The following WDR48 variants were observed in gnomAD, a reference collection of about 807,000 sequenced individuals.
WDR48 encodes WD repeat domain 48.
In WDR48, 22 loss-of-function variants were observed where a neutral mutation model predicts 94.0. That is an observed-to-expected ratio of 0.23 (90% CI 0.17 to 0.33). The LOEUF (loss-of-function observed/expected upper bound fraction) is 0.33. WDR48 is among the 10% of genes least tolerant of loss of function. The pLI, the probability that WDR48 is intolerant of heterozygous loss-of-function variation, is 1.00. For missense variants in WDR48, 541 were observed against 813.8 expected, an observed-to-expected ratio of 0.66 and a Z score of 4.08; for synonymous variants, 278 against 280.5, an observed-to-expected ratio of 0.99 and a Z score of 0.09.
At chr3:39,056,015 T>C (rs71323695) in intron 1 of WDR48, among the ~76,000 whole-genome samples, 15,777 of 152,260 alleles carry the variant, frequency 0.1, 877 homozygotes, top group Admixed American at 0.14. Context: ...CATTTTCCTC[T>C]ATTTTTCTAT....
chr3:39,070,305 T>C (rs1201063462), intron 7 of WDR48, among the ~76,000 whole-genome samples: 1 of 152,174 alleles, frequency 6.6e-6, no homozygotes, highest in Non-Finnish European at 1.5e-5. Flanking sequence ...ATGTAGATAA[T>C]AAAAAACAAA....
At chr3:39,067,277 T>A (rs998014397) in intron 5 of WDR48, among the ~76,000 whole-genome samples, 10 of 152,240 alleles carry the variant, frequency 6.6e-5, no homozygotes, top group Admixed American at 5.9e-4. Flanking sequence ...TTCTGACTTT[T>A]TAAAGTGTTA....
intron 11 of WDR48, among the ~76,000 whole-genome samples, chr3:39,082,318 G>C (rs1360949687): frequency 2.0e-5 from 3 of 149,958 alleles, no homozygotes; most frequent in Non-Finnish European, 4.4e-5. Flanking sequence ...GTCTCATTCT[G>C]TTGCCCCGGC....
At chr3:39,068,897 T>A (rs371713570) in intron 6 of WDR48, 38 bp downstream of exon 6, 10 of 1,330,018 alleles carry the variant, frequency 7.5e-6, no homozygotes, top group African/African-American at 4.5e-5. Context: ...AAAAAAAAAA[T>A]TATTTTTCAC....
chr3:39,072,295 G>C (rs1048455666), intron 7 of WDR48, among the ~76,000 whole-genome samples: 5 of 152,124 alleles, frequency 3.3e-5, no homozygotes, highest in Non-Finnish European at 7.3e-5. Flanking sequence ...CTTTTACTTA[G>C]GCAATTCATT....
At chr3:39,091,738 C>T (rs371900102) in intron 17 of WDR48, 37 bp downstream of exon 17, 15 of 1,484,252 alleles carry the variant, frequency 1.0e-5, no homozygotes, top group African/African-American at 1.4e-5. Context: ...TAATTAACTA[C>T]TAGAGAGAAT....
rs148252717 is a variant in WDR48 at position 39,070,352 on chromosome 3, C to A, written c.672+608C>A. 3.6e-3 allele frequency among the ~76,000 whole-genome samples: 546 copies of A among 152,244 alleles called. 9 individuals are homozygous for A. Among genetic ancestry groups the A allele is most frequent in the African/African-American group, 0.013 (523 of 41,528 alleles). ...ATTTTATGGGTATGACATATGTCTA[C>A]CATGTACCCTTGACTCAGCCATTTT... On this transcript the variant is annotated intron_variant, in intron 7 of 18. Coordinates refer to ENST00000302313, the MANE Select transcript of WDR48 (RefSeq NM_020839.4).
At position 39,066,882 on chromosome 3, in the gene WDR48, T is replaced by G; in HGVS notation, c.481+7T>G. The G allele has an allele frequency of 1.9e-6, 3 of 1,605,760 alleles. No individual in the cohort carries two copies. Among genetic ancestry groups the G allele is most frequent in the Non-Finnish European group, 2.5e-6 (3 of 1,177,452 alleles). ...TCAAATAACACTGTCACAAGTAAGG[T>G]GTTTAAAAGAAACTTCTTTGAAAGT... On this transcript the variant is annotated splice_region_variant and intron_variant, in intron 5 of 18. Transcript: ENST00000302313.
At chr3:39,069,379 G>T (rs1237204725) in intron 6 of WDR48, among the ~76,000 whole-genome samples, 1 of 151,654 alleles carries the variant, frequency 6.6e-6, no homozygotes, top group African/African-American at 2.4e-5. Flanking sequence ...TGCCTAGTGG[G>T]TGCTAAACAA....
chr3:39,085,716 G>A, intron 14 of WDR48, 106 bp downstream of exon 14: 4 of 939,126 alleles, frequency 4.3e-6, no homozygotes, highest in South Asian at 3.2e-5. Context: ...TATTTGTGGT[G>A]TACTCAGTTT....
intron 1 of WDR48, chr3:39,052,606 G>T (rs1341607914): frequency 6.5e-6 from 1 of 154,248 alleles, no homozygotes; most frequent in Non-Finnish European, 1.4e-5. Context: ...CCCTGGGTAG[G>T]TTTAAGTGAC....
intron 1 of WDR48, among the ~76,000 whole-genome samples, chr3:39,060,378 C>T (rs1211582857): frequency 6.6e-6 from 1 of 151,638 alleles, no homozygotes; most frequent in Non-Finnish European, 1.5e-5. Context: ...TTTCAAGGTT[C>T]ATCCACGTTA....
At chr3:39,057,313 G>A (rs1361410371) in intron 1 of WDR48, among the ~76,000 whole-genome samples, 3 of 152,172 alleles carry the variant, frequency 2.0e-5, no homozygotes, top group African/African-American at 7.2e-5. Context: ...TATAGGATAA[G>A]CACAATATTT....
At chr3:39,087,950 GCTGTGTTT>G in intron 14 of WDR48, 170 bp from the exon 15 acceptor site, 1 of 587,120 alleles carries the variant, frequency 1.7e-6, no homozygotes, top group Non-Finnish European at 3.0e-6. Flanking sequence ...ACCACAAGTT[GCTGTGTTT>G]CTTATTTTCA....
At chr3:39,063,431 C>A (rs2033400181) in intron 2 of WDR48, among the ~76,000 whole-genome samples, 1 of 152,194 alleles carries the variant, frequency 6.6e-6, no homozygotes, top group African/African-American at 2.4e-5. Flanking sequence ...TTACAGAGTT[C>A]TTTGCCACAA....
At position 39,088,221 on chromosome 3, in the gene WDR48, G is replaced by A. The variant is rs771894575; in HGVS notation, c.1568G>A (p.Arg523His). 3.1e-6 allele frequency: 5 copies of A among 1,614,136 alleles called. No individual in the cohort carries two copies. The highest frequency in any genetic ancestry group is 3.4e-6 in the Non-Finnish European group (4 of 1,180,018). ...GTGATCTTTGGTGAAGCTGGAGGTC[G>A]CACACTGTTCAGGTATGGGTAAGAA... Reference protein sequence around the residue: ...TPVIFGEAGGRTLFRLLCRDS... With the variant: ...TPVIFGEAGGHTLFRLLCRDS... Residue 523 changes from arginine (R) to histidine (H), a missense_variant, in exon 15 of 19, where the codon CGC becomes CAC. Arg to His is a conservative substitution (Grantham distance 29, BLOSUM62 0). Coordinates refer to ENST00000302313, the MANE Select transcript of WDR48 (RefSeq NM_020839.4).
chr3:39,061,207 G>C (rs562940978), intron 1 of WDR48, among the ~76,000 whole-genome samples: 4 of 152,188 alleles, frequency 2.6e-5, no homozygotes, highest in Middle Eastern at 3.4e-3. Flanking sequence ...CCATCAACTT[G>C]TTATTTACAT....
chr3:39,094,894 T>C lies in WDR48; in HGVS notation c.*151T>C. 7 of 1,028,144 alleles carry C rather than the reference T, an allele frequency of 6.8e-6. No homozygotes were observed. Among genetic ancestry groups the C allele is most frequent in the Non-Finnish European group, 9.9e-6 (7 of 710,090 alleles). The allele number at this position is 1,028,144 out of a possible 1,614,324, so 63.7% of individuals were successfully genotyped here. A position where few individuals can be genotyped will look rare whatever the true frequency, so the allele number is the denominator to read the frequency against. ...ATTATCTTTCAATTGAAGTGACTAA[T>C]CGAGATGTAATATAGAAACCAGTCT... On this transcript the variant is annotated 3_prime_UTR_variant, in exon 19 of 19. Coordinates refer to ENST00000302313, the MANE Select transcript of WDR48 (RefSeq NM_020839.4).
rs528216853 is a variant in WDR48 at position 39,094,591 on chromosome 3, A to G, written c.1939-57A>G. The G allele has an allele frequency of 3.2e-5, 51 of 1,606,292 alleles. No homozygotes were observed. The East Asian group carries it at 1.1e-3, about 33-fold the overall frequency. ...CCTGATGAGAGTCCCTGAGTTAATG[A>G]TAAGGTTTTAGATATTAGAGACTTT... On this transcript the variant is annotated intron_variant, in intron 18 of 18. Coordinates refer to ENST00000302313, the MANE Select transcript of WDR48 (RefSeq NM_020839.4).
Sources: allele counts gnomAD v4.1 joint callset (sites outside exome capture counted in the v4.1 genomes callset), GRCh38; gene constraint gnomAD v4.1.1; transcripts MANE v1.5; gene names NCBI Gene and HGNC (gene_info 2026-07-23, HGNC 2026-07-21).